NPTX1: variants seen among roughly 807,000 people sequenced by gnomAD.
NPTX1 encodes the protein neuronal pentraxin-1.
A neutral mutation model predicts 38.7 loss-of-function variants in NPTX1; 12 were observed. The ratio of observed to expected loss-of-function variants is 0.31; its 90% CI spans 0.20 to 0.50. The LOEUF is 0.50. Ranked by LOEUF, NPTX1 falls within the 20% of genes least tolerant of loss-of-function variation. The probability of loss-of-function intolerance (pLI) is 0.98; values close to 1 mark genes in which losing one functional copy is unlikely to be tolerated. For synonymous variants in NPTX1, 272 were observed against 264.9 expected (o/e 1.03, Z -0.26); for missense variants, 454 against 592.2 (o/e 0.77, Z 2.42).
At chr17:80,473,113 G>A in intron 3 of NPTX1, 87 bp downstream of exon 3, 1 of 1,507,662 alleles carries the variant, frequency 6.6e-7, no homozygotes, top group South Asian at 1.3e-5. Flanking sequence ...AACATCTGAG[G>A]CCACCATAGC....
chr17:80,467,195 T>G lies in NPTX1; in HGVS notation c.*3618A>C, dbSNP rs1405984145. Reference sequence around the variant, plus strand: ...CTCTAAGTATTGGGCTTTTTTTTTCTCTTCAATGACTTGTTCCCTTTCAAC... The same window carrying G: ...CTCTAAGTATTGGGCTTTTTTTTTCGCTTCAATGACTTGTTCCCTTTCAAC... On this transcript the variant is annotated 3_prime_UTR_variant, in exon 5 of 5. Coordinates refer to ENST00000306773, the MANE Select transcript of NPTX1 (RefSeq NM_002522.4). The G allele has an allele frequency of 1.4e-5, 2 of 144,796 alleles. No individual in the cohort carries two copies. Among genetic ancestry groups the G allele is most frequent in the East Asian group, 4.1e-4 (2 of 4,862 alleles). The allele number at this position is 144,796 out of a possible 1,614,324, so 9.0% of individuals were successfully genotyped here.
In NPTX1 at chr17:80,470,793, C is replaced by A. The variant is rs2083836894; in HGVS notation, c.*20G>T. ...CAAGCAGGGGGCGAGGGCGGGCGGG[C>A]TCAGCCTGGCCTGCCGTGCTCAGTT... On this transcript the variant is annotated 3_prime_UTR_variant, in exon 5 of 5. Coordinates refer to ENST00000306773, the MANE Select transcript of NPTX1 (RefSeq NM_002522.4). The A allele has an allele frequency of 1.9e-6, 3 of 1,541,844 alleles. No individual in the cohort carries two copies. Among genetic ancestry groups the A allele is most frequent in the Admixed American group, 1.7e-5 (1 of 57,676 alleles).
chr17:80,472,653 G>C (rs761751731), intron 3 of NPTX1, among the ~76,000 whole-genome samples: 2 of 152,216 alleles, frequency 1.3e-5, no homozygotes, highest in Admixed American at 6.5e-5. Flanking sequence ...ACTTGAGACA[G>C]TTTGAAAGCT....
rs1277193107 is a variant in NPTX1 at position 80,475,919 on chromosome 17, C to A, written c.444+84G>T. ...GCGGCTGAGGCGAGGGCGGGGGATG[C>A]CTGGCCGGGTAGGGAACGGGGTGGG... On this transcript the variant is annotated intron_variant, in intron 1 of 4. Coordinates refer to ENST00000306773, the MANE Select transcript of NPTX1 (RefSeq NM_002522.4). The surrounding 1 kb of genome is among the most constrained non-coding windows in gnomAD (Gnocchi z 6.5). 2.9e-5 allele frequency: 35 copies of A among 1,207,652 alleles called. No individual in the cohort carries two copies. The highest frequency in any genetic ancestry group is 3.6e-5 in the Non-Finnish European group (31 of 869,442). 74.8% of individuals were successfully genotyped at this position (1,207,652 alleles called of 1,614,324 possible).
Position 80,475,076 on chromosome 17 carries a change from G to A in NPTX1, c.652+435C>T, listed in dbSNP as rs939552595. Among the ~76,000 whole-genome samples the A allele has an allele frequency of 1.3e-5, 2 of 152,222 alleles. No individual in the cohort carries two copies. Among genetic ancestry groups the A allele is most frequent in the Non-Finnish European group, 2.9e-5 (2 of 68,046 alleles). On this transcript the variant is annotated intron_variant, in intron 2 of 4. Coordinates refer to ENST00000306773, the MANE Select transcript of NPTX1 (RefSeq NM_002522.4). This position sits in a 1 kb window ranked among gnomAD's most constrained non-coding sequence, Gnocchi z 6.5. ...ACCTGCTTAACAGCCTCAGCGGCCC[G>A]GGGAACGAGAGCGCCCAGCCCCAGC... is the stretch of plus-strand genomic sequence containing the variant.
chr17:80,475,459 G>T lies in NPTX1; in HGVS notation c.652+52C>A. ...CTGTTAGGGATCGGGACCGAGGCAG[G>T]GTCGGGCAAGCAGGTGCAGGCAGGC... On this transcript the variant is annotated intron_variant, in intron 2 of 4. Coordinates refer to ENST00000306773, the MANE Select transcript of NPTX1 (RefSeq NM_002522.4). The surrounding 1 kb of genome is among the most constrained non-coding windows in gnomAD (Gnocchi z 6.5). 6.7e-7 allele frequency: 1 copy of T among 1,496,376 alleles called. No individual in the cohort carries two copies. Among genetic ancestry groups the T allele is most frequent in the Non-Finnish European group, 9.2e-7 (1 of 1,091,536 alleles). The allele number at this position is 1,496,376 out of a possible 1,614,324, so 92.7% of individuals were successfully genotyped here. A position where few individuals can be genotyped will look rare whatever the true frequency, so the allele number is the denominator to read the frequency against.
At position 80,476,457 on chromosome 17, in the gene NPTX1, AC is replaced by A; in HGVS notation, c.-12del. 8.1e-7 allele frequency: 1 copy of A among 1,241,602 alleles called. No homozygotes were observed. The highest frequency in any genetic ancestry group is 3.4e-5 in the East Asian group (1 of 29,102). 76.9% of individuals were successfully genotyped at this position (1,241,602 alleles called of 1,614,324 possible). On this transcript the variant is annotated 5_prime_UTR_variant, in exon 1 of 5. Coordinates refer to ENST00000306773, the MANE Select transcript of NPTX1 (RefSeq NM_002522.4). This position sits in a 1 kb window ranked among gnomAD's most constrained non-coding sequence, Gnocchi z 6.3. ...GCGGCCGGCCGGCATGGCTGCGGGC[AC>A]CGGGCGCTCCGGGCCCGGCTCGGCT...
At chr17:80,473,580 G>A (rs1462094041) in intron 2 of NPTX1, 136 bp from the exon 3 acceptor site, 12 of 868,662 alleles carry the variant, frequency 1.4e-5, no homozygotes, top group Non-Finnish European at 1.8e-5. Context: ...CGCAGAGCGG[G>A]TAGCTTCCCA....
Position 80,470,984 on chromosome 17 carries a change from C to T in NPTX1, c.1128G>A (p.Leu376=). The T allele has an allele frequency of 1.2e-6, 2 of 1,613,198 alleles. No individual in the cohort carries two copies. The highest frequency in any genetic ancestry group is 1.7e-6 in the Non-Finnish European group (2 of 1,179,354). ...TGCGGTCCCAGATGTTGAAGTGGGC[C>T]AGCTCACCCACAAATGCCTGGGTGG... ...FDATQAFVGE[L]AHFNIWDRKL... Residue 376 remains leucine, a synonymous_variant, in exon 5 of 5, where the codon CTG becomes CTA. Transcript: ENST00000306773.
At chr17:80,473,000 C>T (rs755218134) in intron 3 of NPTX1, among the ~76,000 whole-genome samples, 200 bp downstream of exon 3, 7 of 152,226 alleles carry the variant, frequency 4.6e-5, no homozygotes, top group African/African-American at 7.2e-5. Flanking sequence ...CCAGCTCTCC[C>T]TGCTCTCCCA....
chr17:80,472,942 C>T (rs1036562909), intron 3 of NPTX1, among the ~76,000 whole-genome samples: 1 of 152,200 alleles, frequency 6.6e-6, no homozygotes, highest in Non-Finnish European at 1.5e-5. Flanking sequence ...CCCCATGGCT[C>T]GTTCTCCGCC....
chr17:80,473,676 C>T (rs1284114426), intron 2 of NPTX1: 12 of 553,564 alleles, frequency 2.2e-5, no homozygotes, highest in Non-Finnish European at 3.2e-5. Flanking sequence ...CCTGCTGTCA[C>T]GCCCATGTGC....
At chr17:80,474,684 C>T (rs2083865999) in intron 2 of NPTX1, 1 of 152,328 alleles carries the variant, frequency 6.6e-6, no homozygotes. Flanking sequence ...CTCCTGAGGT[C>T]CTTCCTTCTG....
intron 3 of NPTX1, among the ~76,000 whole-genome samples, chr17:80,472,720 G>C (rs1483548389): frequency 6.6e-6 from 1 of 152,208 alleles, no homozygotes; most frequent in Admixed American, 6.5e-5. Flanking sequence ...AGAGGGAAAG[G>C]CTGCCTGTGC....
In NPTX1 at chr17:80,470,400, A is replaced by G. The variant is rs998701598; in HGVS notation, c.*413T>C. 2.6e-4 allele frequency: 41 copies of G among 157,424 alleles called. No individual in the cohort carries two copies. Among genetic ancestry groups the G allele is most frequent in the Non-Finnish European group, 5.2e-4 (37 of 71,684 alleles). 9.8% of individuals were successfully genotyped at this position (157,424 alleles called of 1,614,324 possible). On this transcript the variant is annotated 3_prime_UTR_variant, in exon 5 of 5. Coordinates refer to ENST00000306773, the MANE Select transcript of NPTX1 (RefSeq NM_002522.4). ...AAGTTGGCAAATATGAATTTTCATC[A>G]TGAGATTTTTCCAAAGCCAGAAGAA...
At chr17:80,471,113 T>A in intron 4 of NPTX1, 79 bp from the exon 5 acceptor site, 1 of 1,091,682 alleles carries the variant, frequency 9.2e-7, no homozygotes, top group South Asian at 1.5e-5. Context: ...GGGATCTGAG[T>A]GCCTCTGTGC....
rs535263720 is a variant in NPTX1 at position 80,473,311 on chromosome 17, G to A, written c.786C>T (p.Ser262=). 16 of 1,613,980 alleles carry A rather than the reference G, an allele frequency of 9.9e-6. No homozygotes were observed. Among genetic ancestry groups the A allele is most frequent in the East Asian group, 4.5e-5 (2 of 44,886 alleles). ...AGGGCGTGCCCACACCTGGCGTGGC[G>A]CTGGACTTGAGCCACATGCAGACAG... ...AFTVCMWLKS[S]ATPGVGTPFS... Residue 262 remains serine (S), a synonymous_variant, in exon 3 of 5, where the codon AGC becomes AGT. Coordinates refer to ENST00000306773, the MANE Select transcript of NPTX1 (RefSeq NM_002522.4).
chr17:80,470,849 G>A lies in NPTX1; in HGVS notation c.1263C>T (p.Thr421=). 1 of 1,604,802 alleles carries A rather than the reference G, an allele frequency of 6.2e-7. No individual in the cohort carries two copies. The highest frequency in any genetic ancestry group is 8.5e-7 in the Non-Finnish European group (1 of 1,172,680). The change falls in exon 5 of 5, where the codon ACC becomes ACT. Residue 421 remains threonine (T), a synonymous_variant. Transcript: ENST00000306773. The part of the protein sequence containing the change: ...ESHIEIYGGA[T]KWTFEACRQI... ...GGCGACAGGCCTCGAAGGTCCACTT[G>A]GTGGCCCCTCCGTAGATCTCGATGT...
intron 3 of NPTX1, among the ~76,000 whole-genome samples, chr17:80,472,685 CAG>C (rs369998366): frequency 3.9e-5 from 6 of 152,170 alleles, no homozygotes; most frequent in African/African-American, 9.7e-5. Context: ...CCATAGCTAA[CAG>C]GGGAGGATGG....
Sources: allele counts gnomAD v4.1 joint callset (sites outside exome capture counted in the v4.1 genomes callset), GRCh38; gene constraint gnomAD v4.1.1; non-coding constraint Gnocchi (gnomAD v3.1); transcripts MANE v1.5; gene names NCBI Gene and HGNC (gene_info 2026-07-23, HGNC 2026-07-21).